Variants in AAK1 observed in about 807,000 individuals in gnomAD.
AAK1 encodes AP2-associated protein kinase 1.
Under a neutral mutation model 116.0 loss-of-function variants are expected in AAK1, and 37 were observed. That is an observed-to-expected ratio of 0.32 (90% confidence interval 0.25 to 0.42). The LOEUF (loss-of-function observed/expected upper bound fraction) is 0.42. Among genes scored for constraint, AAK1 ranks in the 10% least tolerant of loss-of-function variants. The pLI is 1.00. For synonymous variants in AAK1, 458 were observed against 439.9 expected (o/e 1.04, Z -0.51); for missense variants, 919 against 1,170.6 (o/e 0.79, Z 3.14).
intron 2 of AAK1, among the ~76,000 whole-genome samples, chr2:69,592,605 C>T (rs958989420): frequency 2.6e-5 from 4 of 152,038 alleles, no homozygotes; most frequent in African/African-American, 9.7e-5. Context: ...ATTTCTTCCT[C>T]ATTAAAATGT....
intron 6 of AAK1, 105 bp from the exon 7 acceptor site, chr2:69,530,811 G>C: frequency 1.3e-6 from 1 of 793,584 alleles, no homozygotes; most frequent in Non-Finnish European, 2.1e-6. Flanking sequence ...GAATCCCTGG[G>C]AGCAATCTGC....
In AAK1 at chr2:69,507,592, C is replaced by CA; in HGVS notation, c.2007-15dup. ...GTGGTTGCAGACCTAGGTAGGTTCC[C>CA]ACCCCCACGAAACAAAAAGATATAA... On this transcript the variant is annotated splice_polypyrimidine_tract_variant and intron_variant, in intron 14 of 21. Coordinates refer to ENST00000409085, the MANE Select transcript of AAK1 (RefSeq NM_014911.5). 6.4e-7 allele frequency: 1 copy of CA among 1,574,288 alleles called. No homozygotes were observed. The highest frequency in any genetic ancestry group is 8.6e-7 in the Non-Finnish European group (1 of 1,160,342).
rs4067981 is a variant in AAK1 at position 69,643,085 on chromosome 2, ATTTTT to A, written c.-50_-46del. 2.1e-5 allele frequency: 26 copies of A among 1,265,008 alleles called. No individual in the cohort carries two copies. The highest frequency in any genetic ancestry group is 8.0e-5 in the African/African-American group (4 of 50,108). 78.4% of individuals were successfully genotyped at this position (1,265,008 alleles called of 1,614,324 possible). ...AAAGCAAAATACCGATGGTTTCTAGATTTTTTTTTTTTTTTTTTTTTTTTAAGAAA... is the reference window on the plus strand; with the variant it reads ...AAAGCAAAATACCGATGGTTTCTAGATTTTTTTTTTTTTTTTTTTAAGAAA... On this transcript the variant is annotated 5_prime_UTR_variant, in exon 2 of 22. Transcript: ENST00000409085.
At position 69,500,696 on chromosome 2, in the gene AAK1, T is replaced by TACACAC. The variant is rs1433743875; in HGVS notation, c.2270-4617_2270-4616insGTGTGT. 1.4e-3 allele frequency among the ~76,000 whole-genome samples: 135 copies of TACACAC among 99,340 alleles called. 1 individual carries two copies. The highest frequency in any genetic ancestry group is 6.4e-3 in the African/African-American group (123 of 19,352). The allele number at this position is 99,340 out of a possible 152,430, so 65.2% of individuals were successfully genotyped here. A position where few individuals can be genotyped will look rare whatever the true frequency, so the allele number is the denominator to read the frequency against. ...ATATATATATATATATATATATATATATACACACACACACACACACACACA... is the reference window on the plus strand; with the variant it reads ...ATATATATATATATATATATATATATACACACATACACACACACACACACACACACA... On this transcript the variant is annotated intron_variant, in intron 16 of 21. Coordinates refer to ENST00000409085, the MANE Select transcript of AAK1 (RefSeq NM_014911.5).
At chr2:69,566,318 G>T (rs560667818) in intron 2 of AAK1, among the ~76,000 whole-genome samples, 1 of 152,204 alleles carries the variant, frequency 6.6e-6, no homozygotes, top group Admixed American at 6.5e-5. Context: ...ACTGATTTCA[G>T]TGGGGGCTTG....
chr2:69,625,796 T>G (rs1339575166), intron 2 of AAK1, among the ~76,000 whole-genome samples: 2 of 152,212 alleles, frequency 1.3e-5, no homozygotes, highest in Non-Finnish European at 2.9e-5. Flanking sequence ...ACATCTCTTT[T>G]CCAACAATGA....
In AAK1 at chr2:69,467,577, G is replaced by T. The variant is rs1397126581; in HGVS notation, c.*8292C>A. ...GGCTCAGTAAAGAGATACTACTGGA[G>T]TTTCCCAACCCACCAGGATAAGAAT... On this transcript the variant is annotated 3_prime_UTR_variant, in exon 22 of 22. Transcript: ENST00000409085. The T allele has an allele frequency of 2.0e-6, 2 of 985,284 alleles. No homozygotes were observed. The highest frequency in any genetic ancestry group is 6.2e-5 in the Admixed American group (1 of 16,252). 61.0% of individuals were successfully genotyped at this position (985,284 alleles called of 1,614,324 possible). A position where few individuals can be genotyped will look rare whatever the true frequency, so the allele number is the denominator to read the frequency against.
intron 17 of AAK1, among the ~76,000 whole-genome samples, chr2:69,492,162 T>TA (rs1166248101): frequency 6.6e-6 from 1 of 151,794 alleles, no homozygotes; most frequent in African/African-American, 2.4e-5. Flanking sequence ...AAGCATAAAA[T>TA]AAAAAAGTTA....
At chr2:69,505,698 T>C in intron 15 of AAK1, 25 bp from the exon 16 acceptor site, 2 of 1,588,560 alleles carry the variant, frequency 1.3e-6, no homozygotes, top group Non-Finnish European at 8.6e-7. Context: ...CACCACTCAG[T>C]TCATTCTAGC....
At chr2:69,515,642 T>C (rs1315398203) in intron 12 of AAK1, among the ~76,000 whole-genome samples, 1 of 152,212 alleles carries the variant, frequency 6.6e-6, no homozygotes, top group African/African-American at 2.4e-5. Context: ...ACTTCTTATA[T>C]GTCTCTCTAA....
At chr2:69,518,165 T>A (rs866061921) in intron 12 of AAK1, among the ~76,000 whole-genome samples, 1 of 152,036 alleles carries the variant, frequency 6.6e-6, no homozygotes, top group South Asian at 2.1e-4. Flanking sequence ...AATACATTCA[T>A]AGTAAAAAAT....
chr2:69,534,742 C>T (rs1377173243), intron 5 of AAK1, among the ~76,000 whole-genome samples: 2 of 152,224 alleles, frequency 1.3e-5, no homozygotes, highest in Non-Finnish European at 2.9e-5. Flanking sequence ...TTTATGGCTG[C>T]TTTTGAGCTC....
At position 69,462,343 on chromosome 2, in the gene AAK1, A is replaced by G. The variant is rs557273955; in HGVS notation, c.*13526T>C. 2.6e-5 allele frequency: 4 copies of G among 151,710 alleles called. No individual in the cohort carries two copies. The highest frequency in any genetic ancestry group is 5.9e-5 in the Non-Finnish European group (4 of 67,942). 9.4% of individuals were successfully genotyped at this position (151,710 alleles called of 1,614,324 possible). A position where few individuals can be genotyped will look rare whatever the true frequency, so the allele number is the denominator to read the frequency against. On this transcript the variant is annotated 3_prime_UTR_variant, in exon 22 of 22. Coordinates refer to ENST00000409085, the MANE Select transcript of AAK1 (RefSeq NM_014911.5). ...TGTAACTAACCTGCACATTGTGCAC[A>G]TGTACCCTAAAACTTAAAGTATAAT... is the stretch of plus-strand genomic sequence containing the variant.
Position 69,514,702 on chromosome 2 carries a change from G to A in AAK1, c.1545C>T (p.Phe515=), listed in dbSNP as rs762403316. The A allele has an allele frequency of 1.2e-6, 2 of 1,612,004 alleles. No individual in the cohort carries two copies. The highest frequency in any genetic ancestry group is 1.1e-5 in the South Asian group (1 of 90,752). The change falls in exon 13 of 22, where the codon TTC becomes TTT. Residue 515 remains phenylalanine (F), a synonymous_variant. Coordinates refer to ENST00000409085, the MANE Select transcript of AAK1 (RefSeq NM_014911.5). ...GAGAGCCTCCTTGGGACACCACAGG[G>A]AACTGAGCAATTGCTGGTTTCTGGG... ...PATQKPAIAQ[F]PVVSQGGSQQ...
chr2:69,627,076 T>A (rs1368184110), intron 2 of AAK1, among the ~76,000 whole-genome samples: 2 of 151,644 alleles, frequency 1.3e-5, no homozygotes, highest in African/African-American at 4.8e-5. Context: ...TCTCCTGAGG[T>A]CAGGAGTTCG....
chr2:69,471,186 A>C lies in AAK1; in HGVS notation c.*4683T>G, dbSNP rs1674665290. 2 of 985,524 alleles carry C rather than the reference A, an allele frequency of 2.0e-6. No individual in the cohort carries two copies. Among genetic ancestry groups the C allele is most frequent in the South Asian group, 9.4e-5 (2 of 21,292 alleles). The allele number at this position is 985,524 out of a possible 1,614,324, so 61.0% of individuals were successfully genotyped here. ...GAAAAGAGTAAATTCAGGTCACTAC[A>C]TCAAAGTGTGAACCAAGAACGTGTC... On this transcript the variant is annotated 3_prime_UTR_variant, in exon 22 of 22. Transcript: ENST00000409085.
Position 69,474,198 on chromosome 2 carries a change from A to C in AAK1, c.*1671T>G. The C allele has an allele frequency of 1.0e-6, 1 of 985,842 alleles. No individual in the cohort carries two copies. The highest frequency in any genetic ancestry group is 6.1e-5 in the Admixed American group (1 of 16,294). 61.1% of individuals were successfully genotyped at this position (985,842 alleles called of 1,614,324 possible). On this transcript the variant is annotated 3_prime_UTR_variant, in exon 22 of 22. Transcript: ENST00000409085. ...TTGCTGTTAAACTTTTTTCCCCCAT[A>C]AAGTGCAAATGTGAGGAAGAAGAAA...
intron 5 of AAK1, among the ~76,000 whole-genome samples, chr2:69,534,028 A>G (rs2105031093): frequency 6.6e-6 from 1 of 152,320 alleles, no homozygotes; most frequent in East Asian, 1.9e-4. Flanking sequence ...TTCCAACAAA[A>G]CAACGCTAAT....
intron 2 of AAK1, among the ~76,000 whole-genome samples, chr2:69,582,386 CGTGT>C (rs144322367): frequency 4.4e-4 from 64 of 144,598 alleles, no homozygotes; most frequent in African/African-American, 1.8e-3. Flanking sequence ...TGTGTGTGCA[CGTGT>C]GTGTGTGCGT....
Sources: gnomAD v4.1 joint callset for allele counts (sites outside exome capture counted in the v4.1 genomes callset) on GRCh38, gnomAD v4.1.1 for gene constraint, MANE v1.5 for transcripts, NCBI Gene and HGNC (gene_info 2026-07-23, HGNC 2026-07-21) for gene names.